Variants in PLCL1 observed in about 807,000 individuals in gnomAD.
PLCL1 encodes the protein inactive phospholipase C-like protein 1.
PLCL1 carries 41 observed loss-of-function variants against 84.4 expected under a neutral mutation model. The ratio of observed to expected loss-of-function variants is 0.49; its 90% CI spans 0.38 to 0.63. The LOEUF is 0.63. Among genes scored for constraint, PLCL1 ranks in the 30% least tolerant of loss-of-function variants. PLCL1 has a pLI of 0.00. For synonymous variants in PLCL1, 490 were observed against 488.3 expected (o/e 1.00, Z -0.05); for missense variants, 1,206 against 1,367.8 (o/e 0.88, Z 1.87).
At chr2:197,990,529 G>A (rs1435512016) in intron 1 of PLCL1, among the ~76,000 whole-genome samples, 1 of 152,188 alleles carries the variant, frequency 6.6e-6, no homozygotes, top group East Asian at 1.9e-4. Context: ...AGGTGAAGGA[G>A]GAGCAAAGGC....
At chr2:197,964,608 T>C (rs1357301134) in intron 1 of PLCL1, among the ~76,000 whole-genome samples, 2 of 152,096 alleles carry the variant, frequency 1.3e-5, no homozygotes, top group Non-Finnish European at 2.9e-5. Context: ...GTCTGATTGC[T>C]CTAGCTAGGA....
intron 5 of PLCL1, among the ~76,000 whole-genome samples, chr2:198,142,450 A>C (rs889729844): frequency 2.0e-5 from 3 of 152,168 alleles, no homozygotes; most frequent in African/African-American, 7.2e-5. Flanking sequence ...AAATTGCATC[A>C]GTTATTTCCT....
intron 1 of PLCL1, among the ~76,000 whole-genome samples, chr2:197,880,120 A>G (rs1477815601): frequency 6.6e-6 from 1 of 152,210 alleles, no homozygotes; most frequent in Non-Finnish European, 1.5e-5. Flanking sequence ...CTTAGAAATA[A>G]AAGCTACATA....
At chr2:197,856,500 A>C (rs1329362164) in intron 1 of PLCL1, among the ~76,000 whole-genome samples, 1 of 152,192 alleles carries the variant, frequency 6.6e-6, no homozygotes, top group Non-Finnish European at 1.5e-5. Flanking sequence ...TCAGAAAAGC[A>C]TTTATCTTTA....
intron 1 of PLCL1, among the ~76,000 whole-genome samples, chr2:197,910,572 CTT>C (rs1296643652): frequency 6.6e-6 from 1 of 152,212 alleles, no homozygotes; most frequent in African/African-American, 2.4e-5. Flanking sequence ...ACATCAGTCT[CTT>C]CTCTACTTGA....
At chr2:197,885,081 C>T (rs759726538) in intron 1 of PLCL1, among the ~76,000 whole-genome samples, 1 of 152,152 alleles carries the variant, frequency 6.6e-6, no homozygotes. Flanking sequence ...TCCTGTCCCG[C>T]GAATGTACCC....
chr2:197,854,675 A>AT (rs1265037206), intron 1 of PLCL1, among the ~76,000 whole-genome samples: 2 of 152,120 alleles, frequency 1.3e-5, no homozygotes, highest in African/African-American at 4.8e-5. Context: ...CTAGGGCTAT[A>AT]TTTTTTGTTG....
chr2:198,087,970 C>A lies in PLCL1; in HGVS notation c.2716-888C>A, dbSNP rs539829264. Among the ~76,000 whole-genome samples the A allele has an allele frequency of 2.0e-5, 3 of 152,130 alleles. No individual in the cohort carries two copies. In the East Asian group the frequency reaches 5.8e-4, roughly 29 times the overall value. On this transcript the variant is annotated intron_variant, in intron 2 of 5. Transcript: ENST00000428675. ...TAGCCACCATTTAAAAAATAGAGTC[C>A]CAATATCAGCATATTCTATGTAACT...
chr2:197,808,484 T>C (rs1337798304), intron 1 of PLCL1, among the ~76,000 whole-genome samples: 18 of 152,238 alleles, frequency 1.2e-4, no homozygotes, highest in Admixed American at 1.2e-3. Context: ...CCCTGTGGTT[T>C]GTTCCCTTTA....
Position 197,970,864 on chromosome 2 carries a change from T to C in PLCL1, c.241-112894T>C, listed in dbSNP as rs568198485. Among the ~76,000 whole-genome samples the C allele has an allele frequency of 6.3e-4, 96 of 152,376 alleles. 1 individual carries two copies. Among genetic ancestry groups the C allele is most frequent in the African/African-American group, 2.3e-3 (96 of 41,594 alleles). ...GTTTAACATTTAACAAATAATGCCG[T>C]TCTCAACATGAAGTTTGTTTGTATT... On this transcript the variant is annotated intron_variant, in intron 1 of 5. Coordinates refer to ENST00000428675, the MANE Select transcript of PLCL1 (RefSeq NM_006226.4).
intron 1 of PLCL1, among the ~76,000 whole-genome samples, chr2:197,981,054 C>A (rs1373923542): frequency 6.6e-6 from 1 of 152,094 alleles, no homozygotes; most frequent in African/African-American, 2.4e-5. Flanking sequence ...CTAATAAAAC[C>A]TTCTTCTTTT....
intron 1 of PLCL1, among the ~76,000 whole-genome samples, chr2:197,992,531 C>T (rs763179273): frequency 2.0e-5 from 3 of 151,980 alleles, no homozygotes; most frequent in Non-Finnish European, 2.9e-5. Context: ...CCCAAAGTGT[C>T]GAAATTACAT....
intron 1 of PLCL1, among the ~76,000 whole-genome samples, chr2:198,035,639 G>A (rs1579695): frequency 0.45 from 68,389 of 152,066 alleles, 15,989 homozygotes; most frequent in Middle Eastern, 0.65. Context: ...AGTAACAGAT[G>A]GAATAAGAAT....
At chr2:198,115,237 C>T (rs1693716074) in intron 5 of PLCL1, among the ~76,000 whole-genome samples, 1 of 151,710 alleles carries the variant, frequency 6.6e-6, no homozygotes, top group South Asian at 2.1e-4. Flanking sequence ...AGAGAGAAGC[C>T]TAATTAAAGT....
At chr2:197,904,082 C>T (rs1312373631) in intron 1 of PLCL1, among the ~76,000 whole-genome samples, 9 of 152,148 alleles carry the variant, frequency 5.9e-5, no homozygotes, top group African/African-American at 1.7e-4. Flanking sequence ...GGATTACAGG[C>T]GTGAGCCACC....
Position 197,971,125 on chromosome 2 carries a change from C to T in PLCL1, c.241-112633C>T, listed in dbSNP as rs188237594. 3.3e-5 allele frequency among the ~76,000 whole-genome samples: 5 copies of T among 152,312 alleles called. No homozygotes were observed. In the East Asian group the frequency reaches 9.7e-4, roughly 29 times the overall value. On this transcript the variant is annotated intron_variant, in intron 1 of 5. Coordinates refer to ENST00000428675, the MANE Select transcript of PLCL1 (RefSeq NM_006226.4). ...ACAAAGAAGTCCCTGTTTGTTCAGT[C>T]ATAGTTGTGACTTTTATTTCTTTTC...
At chr2:198,053,427 T>C (rs1034916000) in intron 1 of PLCL1, among the ~76,000 whole-genome samples, 6 of 152,200 alleles carry the variant, frequency 3.9e-5, no homozygotes, top group African/African-American at 1.4e-4. Flanking sequence ...TCCAGCTTTT[T>C]CCATGACTCT....
intron 1 of PLCL1, among the ~76,000 whole-genome samples, chr2:197,838,885 T>G (rs568189138): frequency 6.6e-6 from 1 of 152,360 alleles, no homozygotes; most frequent in South Asian, 2.1e-4. Context: ...AAGAGATCAC[T>G]GTTAAGAATT....
At chr2:197,931,652 C>CCAAA (rs1688934282) in intron 1 of PLCL1, among the ~76,000 whole-genome samples, 2 of 97,746 alleles carry the variant, frequency 2.0e-5, no homozygotes, top group African/African-American at 8.4e-5. Flanking sequence ...AACCATCCAA[C>CCAAA]CAACCAACCA....
Sources: gnomAD v4.1 joint callset for allele counts (sites outside exome capture counted in the v4.1 genomes callset) on GRCh38, gnomAD v4.1.1 for gene constraint, MANE v1.5 for transcripts, NCBI Gene and HGNC (gene_info 2026-07-23, HGNC 2026-07-21) for gene names.